UNC13C: variants seen among roughly 807,000 people sequenced by gnomAD.
UNC13C encodes the protein unc-13 homolog C, also known as protein unc-13 homolog C.
A neutral mutation model predicts 245.4 loss-of-function variants in UNC13C; 174 were observed. The ratio of observed to expected loss-of-function variants is 0.71; its 90% CI spans 0.63 to 0.80. The LOEUF (loss-of-function observed/expected upper bound fraction) is 0.80, where lower values mean the gene tolerates loss of function less well. UNC13C is among the 30% of genes least tolerant of loss of function. The pLI is 0.00. For synonymous variants in UNC13C, 992 were observed against 895.1 expected (o/e 1.11, Z -1.93); for missense variants, 2,829 against 2,602.9 (o/e 1.09, Z -1.89).
chr15:53,961,948 A>G, the UNC13C span, among the ~76,000 whole-genome samples: 2 of 152,218 alleles, frequency 1.3e-5, no homozygotes, highest in Admixed American at 1.3e-4. Context: ...CTTCTTTCTT[A>G]TCTTTAATGT....
chr15:54,238,820 C>A (rs12440124), intron 7 of UNC13C, among the ~76,000 whole-genome samples: 7,212 of 152,180 alleles, frequency 0.047, 362 homozygotes, highest in East Asian at 0.27. Context: ...TAAGAAGATA[C>A]AAGTAGGCTG....
At chr15:54,624,003 A>G (rs763353932) in intron 32 of UNC13C, 49 bp downstream of exon 32, 3 of 1,605,392 alleles carry the variant, frequency 1.9e-6, no homozygotes, top group Non-Finnish European at 2.6e-6. Context: ...TAGTTACTGT[A>G]CAGCTGACCT....
intron 30 of UNC13C, among the ~76,000 whole-genome samples, chr15:54,586,173 A>C (rs1175539993): frequency 6.6e-6 from 1 of 152,234 alleles, no homozygotes; most frequent in Non-Finnish European, 1.5e-5. Context: ...ATGTTTCAAA[A>C]TGACAAAGAG....
chr15:54,217,505 A>G (rs1246177499), intron 4 of UNC13C, among the ~76,000 whole-genome samples: 1 of 151,978 alleles, frequency 6.6e-6, no homozygotes, highest in Non-Finnish European at 1.5e-5. Flanking sequence ...TGTCTGCCAG[A>G]GGCTCTTTCA....
chr15:54,480,394 C>G (rs981900252), intron 19 of UNC13C, among the ~76,000 whole-genome samples: 3 of 147,378 alleles, frequency 2.0e-5, no homozygotes, highest in African/African-American at 7.5e-5. Context: ...GTTACATAGG[C>G]TTCGTTCATT....
At chr15:54,450,101 G>A (rs1311130506) in intron 19 of UNC13C, among the ~76,000 whole-genome samples, 3 of 152,104 alleles carry the variant, frequency 2.0e-5, no homozygotes, top group African/African-American at 4.8e-5. Context: ...ATTGAACAGC[G>A]AATGTTGCTA....
At chr15:54,506,166 TAAGC>T (rs1894464292) in intron 22 of UNC13C, among the ~76,000 whole-genome samples, 1 of 152,206 alleles carries the variant, frequency 6.6e-6, no homozygotes. Flanking sequence ...AACTTTACCT[TAAGC>T]AAGTTACAAT....
intron 24 of UNC13C, among the ~76,000 whole-genome samples, chr15:54,521,202 A>G (rs1895202162): frequency 6.6e-6 from 1 of 152,108 alleles, no homozygotes; most frequent in African/African-American, 2.4e-5. Context: ...AGAGTATGAA[A>G]CCTACCAGAA....
chr15:54,146,954 A>T (rs751873247), intron 4 of UNC13C, among the ~76,000 whole-genome samples: 16 of 152,208 alleles, frequency 1.1e-4, no homozygotes, highest in Non-Finnish European at 2.1e-4. Flanking sequence ...TCATTCAGAC[A>T]AATGCAGAGG....
At chr15:54,163,159 T>G (rs568812252) in intron 4 of UNC13C, among the ~76,000 whole-genome samples, 15 of 152,262 alleles carry the variant, frequency 9.9e-5, no homozygotes, top group Middle Eastern at 6.8e-3. Context: ...ATTATCTGAG[T>G]GGACCCAATA....
chr15:53,873,896 TTTCC>T, the UNC13C span, among the ~76,000 whole-genome samples: 30 of 134,260 alleles, frequency 2.2e-4, no homozygotes, highest in Middle Eastern at 3.6e-3. Flanking sequence ...CTTCCTTCTC[TTTCC>T]TTCCTTCCTT....
chr15:54,442,153 C>A (rs73419647), intron 19 of UNC13C, among the ~76,000 whole-genome samples: 2 of 151,444 alleles, frequency 1.3e-5, no homozygotes, highest in South Asian at 2.1e-4. Flanking sequence ...AATTTTGATG[C>A]CTTTTTTTCT....
downstream of UNC13C, chr15:54,631,999 G>C (rs955689312): frequency 2.6e-5 from 4 of 152,038 alleles, no homozygotes; most frequent in African/African-American, 9.7e-5. Flanking sequence ...GCAAGCACTG[G>C]GTATCGTCAG....
chr15:54,544,796 G>A (rs1896413274), intron 26 of UNC13C, among the ~76,000 whole-genome samples: 1 of 152,288 alleles, frequency 6.6e-6, no homozygotes, highest in East Asian at 1.9e-4. Context: ...GGAAATAAGA[G>A]AGGACACAAA....
intron 8 of UNC13C, among the ~76,000 whole-genome samples, chr15:54,255,391 G>A (rs187949874): frequency 2.5e-4 from 38 of 152,260 alleles, no homozygotes; most frequent in Admixed American, 7.8e-4. Context: ...GGAGGCCCAG[G>A]CTGTCCTCTG....
rs1348602330 is a variant in UNC13C, at chr15:54,533,083, A to T, written c.5696+17A>T. ...GGACAAAACGTAAGTTTTTTTGCCCAGTTTTCTCTTTACTTATTGCCCTAA... is the reference window on the plus strand; with the variant it reads ...GGACAAAACGTAAGTTTTTTTGCCCTGTTTTCTCTTTACTTATTGCCCTAA... On this transcript the variant is annotated intron_variant, in intron 26 of 32. Transcript: ENST00000260323. 2.5e-6 allele frequency: 4 copies of T among 1,574,058 alleles called. No homozygotes were observed. The highest frequency in any genetic ancestry group is 3.5e-6 in the Non-Finnish European group (4 of 1,158,906).
intron 17 of UNC13C, among the ~76,000 whole-genome samples, chr15:54,367,498 A>G (rs546451150): frequency 4.3e-4 from 66 of 152,228 alleles, no homozygotes; most frequent in African/African-American, 1.5e-3. Context: ...CTTTGAAGGG[A>G]GGATCTGAGT....
intron 30 of UNC13C, among the ~76,000 whole-genome samples, chr15:54,570,763 T>C (rs935519261): frequency 2.6e-5 from 4 of 152,190 alleles, no homozygotes; most frequent in African/African-American, 4.8e-5. Context: ...AATGAAAATA[T>C]AGTAGAAGAT....
At chr15:54,364,042 C>T (rs2039299585) in intron 17 of UNC13C, among the ~76,000 whole-genome samples, 1 of 152,078 alleles carries the variant, frequency 6.6e-6, no homozygotes, top group Admixed American at 6.5e-5. Context: ...TACAGGCACT[C>T]TAGTGATTTA....
Sources: gnomAD v4.1 joint callset for allele counts (sites outside exome capture counted in the v4.1 genomes callset) on GRCh38, gnomAD v4.1.1 for gene constraint, MANE v1.5 for transcripts, NCBI Gene and HGNC (gene_info 2026-07-23, HGNC 2026-07-21) for gene names.